DDHD1: variants seen among roughly 807,000 people sequenced by gnomAD.
DDHD1 encodes the protein DDHD domain containing 1, also known as phospholipase DDHD1.
A neutral mutation model predicts 96.4 loss-of-function variants in DDHD1; 49 were observed. The ratio of observed to expected loss-of-function variants is 0.51; its 90% CI spans 0.40 to 0.64. DDHD1 has a LOEUF of 0.64. Ranked by LOEUF, DDHD1 falls within the 30% of genes least tolerant of loss-of-function variation. The probability of loss-of-function intolerance (pLI) is 0.00; values close to 1 mark genes in which losing one functional copy is unlikely to be tolerated. For synonymous variants in DDHD1, 442 were observed against 446.5 expected, an observed-to-expected ratio of 0.99 and a Z score of 0.13; for missense variants, 1,106 against 1,161.2, an observed-to-expected ratio of 0.95 and a Z score of 0.69.
intron 1 of DDHD1, among the ~76,000 whole-genome samples, chr14:53,117,341 G>A (rs772508334): frequency 8.5e-5 from 13 of 152,128 alleles, no homozygotes; most frequent in Admixed American, 2.0e-4. Flanking sequence ...ATGGTGGGGC[G>A]TCGCCTCACC....
intron 12 of DDHD1, 38 bp from the exon 13 acceptor site, chr14:53,046,987 A>G (rs774584962): frequency 3.3e-6 from 5 of 1,525,878 alleles, no homozygotes; most frequent in South Asian, 1.2e-5. Context: ...AATACAGATT[A>G]TAATAAAATA....
At chr14:53,133,940 TC>T (rs1227778285) in intron 1 of DDHD1, among the ~76,000 whole-genome samples, 1 of 152,084 alleles carries the variant, frequency 6.6e-6, no homozygotes, top group African/African-American at 2.4e-5. Flanking sequence ...TACAGGACCC[TC>T]CCCATTGGGT....
At chr14:53,074,744 C>T (rs193246058) in intron 4 of DDHD1, among the ~76,000 whole-genome samples, 103 of 152,182 alleles carry the variant, frequency 6.8e-4, no homozygotes, top group Non-Finnish European at 1.4e-3. Context: ...CCCTGTTTTA[C>T]TGCATTCATT....
intron 12 of DDHD1, 76 bp from the exon 13 acceptor site, chr14:53,047,025 G>A (rs1014534044): frequency 2.5e-6 from 3 of 1,202,242 alleles, no homozygotes; most frequent in Non-Finnish European, 3.3e-6. Flanking sequence ...CTGGAGTTGA[G>A]AGTAAAAATT....
chr14:53,129,987 G>A (rs138822182), intron 1 of DDHD1, among the ~76,000 whole-genome samples: 8 of 152,232 alleles, frequency 5.3e-5, no homozygotes, highest in African/African-American at 1.7e-4. Context: ...GCGACTCGTC[G>A]CAAATCTTTC....
At position 53,147,997 on chromosome 14, in the gene DDHD1, AT is replaced by A. The variant is rs371282449; in HGVS notation, c.838+4263del. On this transcript the variant is annotated intron_variant, in intron 1 of 12. Coordinates refer to ENST00000673822, the MANE Select transcript of DDHD1 (RefSeq NM_001160148.2). Reference sequence around the variant, plus strand: ...TTATGTAATTAAGGGAAAAGCTCTAATTTTTTAATCTCATTTTATTGGTAAT... The same window carrying A: ...TTATGTAATTAAGGGAAAAGCTCTAATTTTTAATCTCATTTTATTGGTAAT... Among the ~76,000 whole-genome samples the A allele has an allele frequency of 2.7e-3, 407 of 152,304 alleles. 2 individuals carry two copies. The highest frequency in any genetic ancestry group is 9.4e-3 in the African/African-American group (392 of 41,568).
rs1595229962 is a variant in DDHD1, at chr14:53,127,250, C to T, written c.839-23394G>A. 3.3e-5 allele frequency among the ~76,000 whole-genome samples: 5 copies of T among 152,264 alleles called. No homozygotes were observed. The South Asian group carries it at 1.0e-3, about 32-fold the overall frequency. On this transcript the variant is annotated intron_variant, in intron 1 of 12. Coordinates refer to ENST00000673822, the MANE Select transcript of DDHD1 (RefSeq NM_001160148.2). ...CAGGATATTAAGTATTATTGGCAAC[C>T]TAAGCTTCATTATCTGCTCAAATCG...
intron 11 of DDHD1, chr14:53,053,096 C>T (rs944920984): frequency 1.1e-4 from 16 of 152,014 alleles, no homozygotes; most frequent in African/African-American, 3.9e-4. Context: ...CCCTCCCTCA[C>T]TCTGATGTTT....
chr14:53,072,348 A>G (rs529740321), intron 6 of DDHD1, among the ~76,000 whole-genome samples: 1 of 152,080 alleles, frequency 6.6e-6, no homozygotes, highest in Admixed American at 6.6e-5. Flanking sequence ...AATTAATTAG[A>G]TTTATGAAAA....
chr14:53,090,354 T>C (rs1170055469), intron 4 of DDHD1, among the ~76,000 whole-genome samples: 1 of 152,116 alleles, frequency 6.6e-6, no homozygotes, highest in African/African-American at 2.4e-5. Context: ...TACCATTTGA[T>C]CCAGCCATTC....
Position 53,152,407 on chromosome 14 carries a change from T to C in DDHD1, c.692A>G (p.Glu231Gly). The change falls in exon 1 of 13, where the codon GAG (glutamate) becomes GGG (glycine). Residue 231 changes from glutamate (E) to glycine (G), a missense_variant. Around this residue, in one of 2 missense-constraint regions of DDHD1, gnomAD observed 456 missense variants for 402.4 expected, o/e 1.13. Coordinates refer to ENST00000673822, the MANE Select transcript of DDHD1 (RefSeq NM_001160148.2). ...PASSSGEDDDEDRACGFCQST... is the reference protein window; with the variant it reads ...PASSSGEDDDGDRACGFCQST... ...CTGGCAGAAGCCGCAGGCGCGGTCCTCATCGTCATCTTCTCCGGAACTGGA... is the reference window on the plus strand; with the variant it reads ...CTGGCAGAAGCCGCAGGCGCGGTCCCCATCGTCATCTTCTCCGGAACTGGA... 6.2e-7 allele frequency: 1 copy of C among 1,613,858 alleles called. No individual in the cohort carries two copies. Among genetic ancestry groups the C allele is most frequent in the Non-Finnish European group, 8.5e-7 (1 of 1,179,956 alleles).
intron 9 of DDHD1, among the ~76,000 whole-genome samples, chr14:53,057,591 G>A (rs1212059650): frequency 6.6e-6 from 1 of 152,122 alleles, no homozygotes; most frequent in Non-Finnish European, 1.5e-5. Context: ...TTTAGAGCAG[G>A]ATTTTTAAGA....
At chr14:53,068,445 C>T (rs1310047063) in intron 6 of DDHD1, among the ~76,000 whole-genome samples, 1 of 151,940 alleles carries the variant, frequency 6.6e-6, no homozygotes, top group African/African-American at 2.4e-5. Flanking sequence ...GAGACAGGGT[C>T]TGGCTATGTT....
At chr14:53,126,137 A>C (rs1295647894) in intron 1 of DDHD1, among the ~76,000 whole-genome samples, 1 of 152,228 alleles carries the variant, frequency 6.6e-6, no homozygotes, top group Non-Finnish European at 1.5e-5. Context: ...CTGGTTCCCA[A>C]CTAGTTAAAA....
intron 4 of DDHD1, among the ~76,000 whole-genome samples, chr14:53,080,358 C>T (rs1222752436): frequency 6.6e-6 from 1 of 151,628 alleles, no homozygotes; most frequent in Middle Eastern, 3.2e-3. Flanking sequence ...AAAACTCTCT[C>T]CAAAAAACAA....
At chr14:53,105,774 G>A (rs545993706) in intron 1 of DDHD1, among the ~76,000 whole-genome samples, 1 of 151,962 alleles carries the variant, frequency 6.6e-6, no homozygotes, top group Non-Finnish European at 1.5e-5. Context: ...GCCCATTTAT[G>A]TTTACTAATA....
intron 4 of DDHD1, among the ~76,000 whole-genome samples, chr14:53,086,867 A>T (rs944808570): frequency 1.3e-5 from 2 of 151,652 alleles, no homozygotes; most frequent in African/African-American, 4.8e-5. Flanking sequence ...CAAATGGGAT[A>T]AAGACCCATC....
rs1226524582 is a variant in DDHD1 at position 53,054,612 on chromosome 14, T to C, written c.2263A>G (p.Lys755Glu). ...GAGAACAACATTCCTCCAAGTCCCT[T>C]TCCAATGCTAGCAGCCCCTGTATTT... ...ASILGAASIGKGLGGMLFSRF... is the reference protein window; with the variant it reads ...ASILGAASIGEGLGGMLFSRF... Residue 755 changes from lysine to glutamate, a missense_variant, in exon 11 of 13, where the codon AAG becomes GAG. By Grantham distance (56) the Lys-to-Glu change is moderately conservative. Coordinates refer to ENST00000673822, the MANE Select transcript of DDHD1 (RefSeq NM_001160148.2). 6.2e-7 allele frequency: 1 copy of C among 1,613,784 alleles called. No individual in the cohort carries two copies. Among genetic ancestry groups the C allele is most frequent in the African/African-American group, 1.3e-5 (1 of 74,922 alleles).
At chr14:53,054,948 T>C (rs548790306) in intron 10 of DDHD1, among the ~76,000 whole-genome samples, 3 of 152,332 alleles carry the variant, frequency 2.0e-5, no homozygotes, top group African/African-American at 7.2e-5. Flanking sequence ...AACCATGCCA[T>C]TGACATGAGT....
Sources: gnomAD v4.1 joint callset for allele counts (sites outside exome capture counted in the v4.1 genomes callset) on GRCh38, gnomAD v4.1.1 for gene constraint, gnomAD v4.1.1 regional missense constraint, MANE v1.5 for transcripts, NCBI Gene and HGNC (gene_info 2026-07-23, HGNC 2026-07-21) for gene names.